Variants in EIF2S3 observed in about 807,000 individuals in gnomAD.
EIF2S3 encodes eukaryotic translation initiation factor 2 subunit 3.
In EIF2S3, 2 loss-of-function variants were observed where a neutral mutation model predicts 31.7. The observed-to-expected ratio is 0.06, with a 90% CI of 0.03 to 0.20. The LOEUF (loss-of-function observed/expected upper bound fraction) is 0.20, where lower values mean the gene tolerates loss of function less well. Among genes scored for constraint, EIF2S3 ranks in the 10% least tolerant of loss-of-function variants. The pLI is 1.00. For synonymous variants in EIF2S3, 120 were observed against 126.7 expected, an observed-to-expected ratio of 0.95 and a Z score of 0.36; for missense variants, 96 against 359.3, an observed-to-expected ratio of 0.27 and a Z score of 5.92.
Position 24,076,923 on chromosome X carries a change from T to TA in EIF2S3, c.*138_*139insA. Reference sequence around the variant, plus strand: ...CCTTAGTAGGTAACGGTAAGGTTATTCTCTTTTTTTTTTTTTTTTTTTTTG... The same window carrying TA: ...CCTTAGTAGGTAACGGTAAGGTTATTACTCTTTTTTTTTTTTTTTTTTTTTG... On this transcript the variant is annotated 3_prime_UTR_variant, in exon 12 of 12. Transcript: ENST00000253039. 1.2e-4 allele frequency: 25 copies of TA among 215,180 alleles called. No homozygotes were observed. Among genetic ancestry groups the TA allele is most frequent in the Non-Finnish European group, 1.6e-4 (21 of 130,696 alleles). 17.7% of individuals were successfully genotyped at this position (215,180 alleles called of 1,213,427 possible).
chrX:24,061,762 A>G (rs1287727390), intron 5 of EIF2S3, among the ~76,000 whole-genome samples: 1 of 111,132 alleles, frequency 9.0e-6, no homozygotes, highest in Non-Finnish European at 1.9e-5. Flanking sequence ...AAAAATTCAT[A>G]GACAGTATTA....
chrX:24,061,474 G>A (rs377477319), intron 5 of EIF2S3, among the ~76,000 whole-genome samples: 16 of 108,338 alleles, frequency 1.5e-4, no homozygotes, highest in Admixed American at 4.0e-4. Flanking sequence ...CAGGAGAATC[G>A]CTTGAACTTG....
At chrX:24,076,485 G>A (rs1201588077) in intron 11 of EIF2S3, among the ~76,000 whole-genome samples, 1 of 111,899 alleles carries the variant, frequency 8.9e-6, no homozygotes, top group Non-Finnish European at 1.9e-5. Flanking sequence ...AGTGAGCCGA[G>A]ATCGTACCAC....
At chrX:24,073,340 C>T in intron 11 of EIF2S3, 77 bp downstream of exon 11, 1 of 1,091,528 alleles carries the variant, frequency 9.2e-7, no homozygotes, top group Non-Finnish European at 1.2e-6. Flanking sequence ...ACACAATCTT[C>T]CTTGAGGACA....
chrX:24,075,299 T>C (rs772234805), intron 11 of EIF2S3, among the ~76,000 whole-genome samples: 14 of 111,376 alleles, frequency 1.3e-4, no homozygotes, highest in Non-Finnish European at 2.6e-4. Context: ...TCAGGTGTGC[T>C]CATGGCTCTT....
chrX:24,060,198 T>C lies in EIF2S3; in HGVS notation c.478+16T>C. The stretch of plus-strand genomic sequence containing the variant: ...CTGTTGATAGGTAAATACCTCACAA[T>C]TGGTTTGGACAAATCAATGTGGAAC... On this transcript the variant is annotated intron_variant, in intron 5 of 11. Transcript: ENST00000253039. 5.1e-6 allele frequency: 6 copies of C among 1,175,914 alleles called. No individual in the cohort carries two copies. Among genetic ancestry groups the C allele is most frequent in the South Asian group, 1.8e-5 (1 of 56,126 alleles).
intron 5 of EIF2S3, among the ~76,000 whole-genome samples, chrX:24,061,253 T>A: frequency 1.6e-5 from 1 of 63,479 alleles, no homozygotes; most frequent in African/African-American, 6.8e-5. Flanking sequence ...GGAGACTCAG[T>A]CTTAAAAAAA....
chrX:24,056,188 AAAGT>A (rs1930401146), intron 2 of EIF2S3, among the ~76,000 whole-genome samples: 2 of 111,874 alleles, frequency 1.8e-5, no homozygotes. Flanking sequence ...AGTAAGTTAA[AAAGT>A]AAGACTAGTT....
chrX:24,069,005 C>T (rs1485825102), intron 9 of EIF2S3, among the ~76,000 whole-genome samples: 3 of 111,403 alleles, frequency 2.7e-5, no homozygotes, highest in Non-Finnish European at 5.6e-5. Context: ...GGTAAAGAAA[C>T]AGTTAATTCT....
At chrX:24,073,042 A>C in intron 10 of EIF2S3, 49 bp from the exon 11 acceptor site, 2 of 1,144,411 alleles carry the variant, frequency 1.7e-6, no homozygotes, top group Non-Finnish European at 2.3e-6. Flanking sequence ...ACATTTGGAA[A>C]GCATTTTCTT....
At chrX:24,059,429 C>CT (rs199919234) in intron 4 of EIF2S3, among the ~76,000 whole-genome samples, 8,795 of 100,619 alleles carry the variant, frequency 0.087, 902 homozygotes, top group African/African-American at 0.28. Flanking sequence ...TTTTTTTTCT[C>CT]TTTTTTTTTT....
chrX:24,069,277 G>T (rs1378721788), intron 9 of EIF2S3, among the ~76,000 whole-genome samples: 1 of 107,684 alleles, frequency 9.3e-6, no homozygotes, highest in African/African-American at 3.4e-5. Context: ...GGCTACTCGG[G>T]AGGCTGAGGC....
At position 24,064,090 on chromosome X, in the gene EIF2S3, G is replaced by T. The variant is rs1930535378; in HGVS notation, c.638-111G>T. ...CCACTTGTTGCTGACATTTATATGG[G>T]GTTTAGGCATCTATTTTATTATAGT... On this transcript the variant is annotated intron_variant, in intron 6 of 11. Transcript: ENST00000253039. 6 of 667,514 alleles carry T rather than the reference G, an allele frequency of 9.0e-6. No homozygotes were observed. In the South Asian group the frequency reaches 3.8e-4, roughly 42 times the overall value. The allele number at this position is 667,514 out of a possible 1,213,427, so 55.0% of individuals were successfully genotyped here. A position where few individuals can be genotyped will look rare whatever the true frequency, so the allele number is the denominator to read the frequency against.
rs761305657 is a variant in EIF2S3, at chrX:24,057,651, C to G, written c.280C>G (p.Pro94Ala). 1.7e-6 allele frequency: 2 copies of G among 1,210,761 alleles called. No individual in the cohort carries two copies. The highest frequency in any genetic ancestry group is 5.9e-5 in the East Asian group (2 of 33,849). Residue 94 changes from proline to alanine, a missense_variant, in exon 4 of 12, where the codon CCA (proline) becomes GCA (alanine). Around this residue, in one of 5 missense-constraint regions of EIF2S3, gnomAD observed 22 missense variants for 34.5 expected, o/e 0.64. Transcript: ENST00000253039. ...ATTTTAGATTTATAAGCTTGATGACCCAAGTTGCCCTCGGCCAGAATGTTA... is the reference window on the plus strand; with the variant it reads ...ATTTTAGATTTATAAGCTTGATGACGCAAGTTGCCCTCGGCCAGAATGTTA... ...ANAKIYKLDD[P>A]SCPRPECYRS...
chrX:24,057,401 T>C lies in EIF2S3; in HGVS notation c.134-20T>C, dbSNP rs911791849. 1 of 1,181,741 alleles carries C rather than the reference T, an allele frequency of 8.5e-7. No individual in the cohort carries two copies. Among genetic ancestry groups the C allele is most frequent in the Non-Finnish European group, 1.1e-6 (1 of 884,773 alleles). On this transcript the variant is annotated intron_variant, in intron 2 of 11. Transcript: ENST00000253039. ...TGTAATTAAATACACATGAATTAAT[T>C]TTTTGAACTTTGTCCATAGGTACAA...
At chrX:24,071,823 T>A in intron 10 of EIF2S3, 96 bp downstream of exon 10, 2 of 966,516 alleles carry the variant, frequency 2.1e-6, no homozygotes, top group Non-Finnish European at 2.8e-6. Context: ...TAACATGAAA[T>A]TAAGAAAAAA....
At chrX:24,067,833 C>T (rs1227228666) in intron 8 of EIF2S3, 131 bp from the exon 9 acceptor site, 1 of 708,006 alleles carries the variant, frequency 1.4e-6, no homozygotes, top group Non-Finnish European at 2.0e-6. Context: ...GGTGATCCAC[C>T]CGCCTCGGCC....
At position 24,054,996 on chromosome X, in the gene EIF2S3, C is replaced by G; in HGVS notation, c.28C>G (p.Leu10Val). 1 of 1,211,085 alleles carries G rather than the reference C, an allele frequency of 8.3e-7. No homozygotes were observed. Among genetic ancestry groups the G allele is most frequent in the South Asian group, 1.8e-5 (1 of 56,982 alleles). Residue 10 changes from leucine (L) to valine (V), a missense_variant, in exon 1 of 12, where the codon CTA becomes GTA. This residue lies in a region of EIF2S3 where 27 missense variants were observed against 21.3 expected (regional missense o/e 1.27). Coordinates refer to ENST00000253039, the MANE Select transcript of EIF2S3 (RefSeq NM_001415.4). MAGGEAGVT[L>V]GQPHLSRQDL... ...GGCGGGCGGAGAAGCTGGAGTGACT[C>G]TAGGGCAGCCGCATCTTTCGCGTCA...
At chrX:24,065,398 A>G (rs1441933788) in intron 7 of EIF2S3, among the ~76,000 whole-genome samples, 1 of 110,744 alleles carries the variant, frequency 9.0e-6, no homozygotes, top group Non-Finnish European at 1.9e-5. Context: ...AGGTGAGAGG[A>G]TTGCTTGAGG....
Sources: allele counts gnomAD v4.1 joint callset (sites outside exome capture counted in the v4.1 genomes callset), GRCh38; gene constraint gnomAD v4.1.1; regional missense constraint gnomAD v4.1.1; transcripts MANE v1.5; gene names NCBI Gene and HGNC (gene_info 2026-07-23, HGNC 2026-07-21).